SORCS1: variants seen among roughly 807,000 people sequenced by gnomAD.
SORCS1 encodes sortilin related VPS10 domain containing receptor 1.
Under a neutral mutation model 146.1 loss-of-function variants are expected in SORCS1, and 60 were observed. The observed-to-expected ratio is 0.41, with a 90% CI of 0.33 to 0.51. The LOEUF (loss-of-function observed/expected upper bound fraction) is 0.51. SORCS1 is among the 20% of genes least tolerant of loss of function. SORCS1 has a pLI of 0.21. For missense variants in SORCS1, 1,352 were observed against 1,487.6 expected (o/e 0.91, Z 1.50); for synonymous variants, 637 against 584.0 (o/e 1.09, Z -1.31).
At chr10:106,926,152 CT>C (rs1367849983) in intron 2 of SORCS1, among the ~76,000 whole-genome samples, 1 of 105,980 alleles carries the variant, frequency 9.4e-6, no homozygotes, top group Non-Finnish European at 2.4e-5. Context: ...TATTTGTATC[CT>C]TAAGAGTTAT....
chr10:106,716,826 T>C (rs1343499207), intron 6 of SORCS1, among the ~76,000 whole-genome samples: 4 of 152,190 alleles, frequency 2.6e-5, no homozygotes, highest in Admixed American at 1.3e-4. Flanking sequence ...ACATGTTTTT[T>C]TCTCTCTTAA....
intron 4 of SORCS1, among the ~76,000 whole-genome samples, chr10:106,773,932 G>C (rs1589848090): frequency 6.6e-6 from 1 of 151,806 alleles, no homozygotes; most frequent in African/African-American, 2.4e-5. Context: ...CTGGGTGACA[G>C]GGCAAGACTC....
intron 1 of SORCS1, among the ~76,000 whole-genome samples, chr10:107,094,340 A>C (rs1250552004): frequency 1.3e-5 from 2 of 152,236 alleles, no homozygotes; most frequent in African/African-American, 2.4e-5. Flanking sequence ...TCTGTTAAGT[A>C]TTCTTCCAAA....
intron 2 of SORCS1, among the ~76,000 whole-genome samples, chr10:106,864,045 C>T (rs564684743): frequency 6.6e-6 from 1 of 152,272 alleles, no homozygotes; most frequent in African/African-American, 2.4e-5. Flanking sequence ...TTCTTCAAAA[C>T]CCGCACAGTA....
intron 1 of SORCS1, among the ~76,000 whole-genome samples, chr10:106,961,732 G>T (rs1279339243): frequency 6.6e-6 from 1 of 152,184 alleles, no homozygotes; most frequent in Non-Finnish European, 1.5e-5. Flanking sequence ...CAGTTGAGAA[G>T]TTCCATAGCA....
chr10:106,963,189 C>T (rs1242344386), intron 1 of SORCS1, among the ~76,000 whole-genome samples: 1 of 134,942 alleles, frequency 7.4e-6, no homozygotes, highest in African/African-American at 2.7e-5. Flanking sequence ...GATCTCGGCT[C>T]ACTGCAAGCT....
intron 8 of SORCS1, among the ~76,000 whole-genome samples, chr10:106,700,532 C>T (rs1854061504): frequency 6.6e-6 from 1 of 152,196 alleles, no homozygotes; most frequent in Admixed American, 6.5e-5. Flanking sequence ...ACTTAGTGCT[C>T]TAATCTTTCC....
At chr10:106,861,614 G>T (rs753548682) in intron 2 of SORCS1, among the ~76,000 whole-genome samples, 1 of 152,020 alleles carries the variant, frequency 6.6e-6, no homozygotes, top group African/African-American at 2.4e-5. Context: ...TCAATTGGCC[G>T]GGCGCAGTCC....
intron 1 of SORCS1, among the ~76,000 whole-genome samples, chr10:107,068,325 T>C (rs910166826): frequency 2.0e-5 from 3 of 152,262 alleles, no homozygotes; most frequent in Middle Eastern, 3.4e-3. Context: ...GCACACTACC[T>C]GCTTGTATTT....
chr10:106,825,160 G>T (rs954983011), intron 3 of SORCS1, among the ~76,000 whole-genome samples: 3 of 152,062 alleles, frequency 2.0e-5, no homozygotes, highest in African/African-American at 7.2e-5. Flanking sequence ...TTAGTTGGGG[G>T]TGATGGGAAA....
intron 1 of SORCS1, among the ~76,000 whole-genome samples, chr10:107,064,229 C>A (rs889400221): frequency 6.6e-6 from 1 of 152,112 alleles, no homozygotes; most frequent in Non-Finnish European, 1.5e-5. Context: ...CTGGGCCTTA[C>A]CTTCTTAGAA....
At chr10:106,836,203 A>C (rs575389432) in intron 2 of SORCS1, among the ~76,000 whole-genome samples, 3 of 151,644 alleles carry the variant, frequency 2.0e-5, no homozygotes, top group East Asian at 2.0e-4. Context: ...CGCCGGGCGC[A>C]GTGGCTCACG....
intron 2 of SORCS1, among the ~76,000 whole-genome samples, chr10:106,836,052 C>T (rs1948768325): frequency 6.6e-6 from 1 of 151,710 alleles, no homozygotes; most frequent in Non-Finnish European, 1.5e-5. Context: ...AACGAATGCT[C>T]TTTGAGTACA....
chr10:106,711,849 CCTCACAATTTTACA>C (rs1370331008), intron 6 of SORCS1, among the ~76,000 whole-genome samples: 1 of 152,174 alleles, frequency 6.6e-6, no homozygotes, highest in Non-Finnish European at 1.5e-5. Flanking sequence ...AAAATCTTTA[CCTCACAATTTTACA>C]CTCCACCAGA....
rs373869469 is a variant in SORCS1, at chr10:106,963,265, A to G, written c.559-6685T>C. Among the ~76,000 whole-genome samples the G allele has an allele frequency of 5.5e-4, 84 of 151,662 alleles. 1 individual carries two copies. The highest frequency in any genetic ancestry group is 3.4e-3 in the Middle Eastern group (1 of 294). On this transcript the variant is annotated intron_variant, in intron 1 of 25. Coordinates refer to ENST00000263054, the MANE Select transcript of SORCS1 (RefSeq NM_052918.5). ...CAAGTAGCTGGGACTACAGGCGCCC[A>G]CCACCACGCCCGGCTAACTTTCCGT...
At chr10:107,078,473 A>G (rs918070144) in intron 1 of SORCS1, among the ~76,000 whole-genome samples, 1 of 152,210 alleles carries the variant, frequency 6.6e-6, no homozygotes, top group South Asian at 2.1e-4. Context: ...AACGCCTTCT[A>G]CATAGCTTCT....
At chr10:106,993,567 TA>T (rs1160420368) in intron 1 of SORCS1, among the ~76,000 whole-genome samples, 4 of 152,162 alleles carry the variant, frequency 2.6e-5, no homozygotes, top group East Asian at 1.9e-4. Context: ...TTCTTAAAGC[TA>T]AAAACTAGAT....
intron 5 of SORCS1, among the ~76,000 whole-genome samples, chr10:106,743,700 T>C (rs1224560548): frequency 2.6e-5 from 4 of 152,098 alleles, no homozygotes; most frequent in African/African-American, 9.7e-5. Flanking sequence ...GCTGGGATTA[T>C]AGGTGTGAGC....
intron 23 of SORCS1, among the ~76,000 whole-genome samples, chr10:106,599,749 A>ATTTC (rs563990714): frequency 6.2e-4 from 94 of 151,144 alleles, no homozygotes; most frequent in Middle Eastern, 3.4e-3. Flanking sequence ...GTGAAGCCAT[A>ATTTC]TTTCTTTCTT....
Sources: allele counts gnomAD v4.1 joint callset (sites outside exome capture counted in the v4.1 genomes callset), GRCh38; gene constraint gnomAD v4.1.1; transcripts MANE v1.5; gene names NCBI Gene and HGNC (gene_info 2026-07-23, HGNC 2026-07-21).